The following HLCS variants were observed in gnomAD, a reference collection of about 807,000 sequenced individuals.
HLCS encodes the protein holocarboxylase synthetase.
In HLCS, 53 loss-of-function variants were observed where a neutral mutation model predicts 75.0. That is an observed-to-expected ratio of 0.71 (90% CI 0.57 to 0.89). HLCS has a LOEUF of 0.89. Among genes scored for constraint, HLCS ranks in the 40% least tolerant of loss-of-function variants. HLCS has a pLI of 0.00. For missense variants in HLCS, 966 were observed against 1,074.0 expected, an observed-to-expected ratio of 0.90 and a Z score of 1.41; for synonymous variants, 431 against 428.6, an observed-to-expected ratio of 1.01 and a Z score of -0.07.
chr21:36,818,765 C>G lies in HLCS; in HGVS notation c.1893-51480G>C, dbSNP rs541901220. Among the ~76,000 whole-genome samples, 34 of 152,262 alleles carry G rather than the reference C, an allele frequency of 2.2e-4. No homozygotes were observed. The South Asian group carries it at 6.8e-3, about 31-fold the overall frequency. On this transcript the variant is annotated intron_variant, in intron 6 of 10. Transcript: ENST00000674895. ...TTTCTCTCATTGTATTTTGCTTGTA[C>G]TCAATTAAGAGATAATTTAGCCATT...
rs2065035875 is a variant in HLCS at position 36,896,949 on chromosome 21, C to A, written c.1803G>T (p.Glu601Asp). 1 of 1,614,066 alleles carries A rather than the reference C, an allele frequency of 6.2e-7. No homozygotes were observed. The highest frequency in any genetic ancestry group is 8.5e-7 in the Non-Finnish European group (1 of 1,180,046). Reference protein sequence around the residue: ...EAFSSEHFNLEIYRQNLQTKQ... With the variant: ...EAFSSEHFNLDIYRQNLQTKQ... ...TGGTCTGCAGATTTTGGCGATAGAT[C>A]TCTAAGTTGAAATGTTCTGATGAGA... The change falls in exon 6 of 11, where the codon GAG (glutamate) becomes GAT (aspartate). Residue 601 changes from glutamate to aspartate, a missense_variant. Glu to Asp is a conservative substitution (Grantham distance 45). Coordinates refer to ENST00000674895, the MANE Select transcript of HLCS (RefSeq NM_001352514.2).
rs140820848 is a variant in HLCS, at chr21:36,949,454, G to T, written c.331-10460C>A. On this transcript the variant is annotated intron_variant, in intron 2 of 10. Transcript: ENST00000674895. ...GAGCTTCCTCACAGTATGGGAGCTG[G>T]ACTCCCAGATGGCATGTTCCAAAAG... is the stretch of plus-strand genomic sequence containing the variant. 2.7e-3 allele frequency among the ~76,000 whole-genome samples: 411 copies of T among 152,278 alleles called. 4 individuals are homozygous for T. The highest frequency in any genetic ancestry group is 6.8e-3 in the Middle Eastern group (2 of 294).
chr21:36,835,844 TG>T (rs1307146223), intron 6 of HLCS, among the ~76,000 whole-genome samples: 1 of 152,160 alleles, frequency 6.6e-6, no homozygotes, highest in Non-Finnish European at 1.5e-5. Context: ...CCTTCGGGCA[TG>T]TCAGAGGTGA....
chr21:36,866,971 G>T (rs975467372), intron 6 of HLCS, among the ~76,000 whole-genome samples: 2 of 151,512 alleles, frequency 1.3e-5, no homozygotes, highest in African/African-American at 4.9e-5. Context: ...ACCCTCCCTT[G>T]TTATCACAAG....
intron 5 of HLCS, among the ~76,000 whole-genome samples, chr21:36,928,902 C>T (rs988515583): frequency 3.3e-5 from 5 of 152,182 alleles, no homozygotes; most frequent in African/African-American, 7.2e-5. Context: ...GAAATCAATA[C>T]TCCCTCAATT....
At chr21:36,834,588 A>C (rs1255295557) in intron 6 of HLCS, among the ~76,000 whole-genome samples, 1 of 151,864 alleles carries the variant, frequency 6.6e-6, no homozygotes, top group Non-Finnish European at 1.5e-5. Context: ...ACGGAGTCTC[A>C]CTCTGTCGCC....
intron 6 of HLCS, among the ~76,000 whole-genome samples, chr21:36,852,504 C>A (rs1008432452): frequency 6.6e-6 from 1 of 152,212 alleles, no homozygotes; most frequent in Non-Finnish European, 1.5e-5. Flanking sequence ...ACCCCAGGTC[C>A]TGCTGCTTGG....
intron 2 of HLCS, among the ~76,000 whole-genome samples, chr21:36,942,256 G>GT (rs1432304576): frequency 2.0e-4 from 30 of 151,992 alleles, no homozygotes; most frequent in African/African-American, 7.0e-4. Context: ...ATAGAGAAGC[G>GT]TTAAAGACCT....
intron 6 of HLCS, among the ~76,000 whole-genome samples, chr21:36,783,822 T>TAC (rs34087473): frequency 6.0e-5 from 9 of 151,228 alleles, no homozygotes; most frequent in East Asian, 5.8e-4. Flanking sequence ...CACATGCACA[T>TAC]ACACACACAC....
At chr21:36,834,261 G>A (rs2062323801) in intron 6 of HLCS, among the ~76,000 whole-genome samples, 2 of 152,360 alleles carry the variant, frequency 1.3e-5, no homozygotes, top group South Asian at 4.1e-4. Context: ...CTGAGGTAAT[G>A]AGGTTCCAGA....
At chr21:36,916,337 T>A (rs1280010178) in intron 5 of HLCS, among the ~76,000 whole-genome samples, 2 of 152,014 alleles carry the variant, frequency 1.3e-5, no homozygotes, top group African/African-American at 2.4e-5. Flanking sequence ...GCTGTAAGAT[T>A]TTTTTATGTT....
chr21:36,984,650 G>A (rs2069192784), intron 1 of HLCS, among the ~76,000 whole-genome samples: 1 of 152,184 alleles, frequency 6.6e-6, no homozygotes, highest in Admixed American at 6.5e-5. Context: ...AGGCATTGGA[G>A]GCTCAGAAGG....
chr21:36,814,598 G>A lies in HLCS; in HGVS notation c.1893-47313C>T, dbSNP rs948231794. Among the ~76,000 whole-genome samples, 3 of 152,350 alleles carry A rather than the reference G, an allele frequency of 2.0e-5. No homozygotes were observed. In the East Asian group the frequency reaches 5.8e-4, roughly 29 times the overall value. On this transcript the variant is annotated intron_variant, in intron 6 of 10. Transcript: ENST00000674895. ...CCTCTTTCTGGTAGTCCAGGAAGTA[G>A]AGAAAAGGCAGCTCTAAGAAGGGGT...
At chr21:36,914,739 C>A (rs115370255) in intron 5 of HLCS, among the ~76,000 whole-genome samples, 227 of 152,284 alleles carry the variant, frequency 1.5e-3, no homozygotes, top group African/African-American at 5.3e-3. Flanking sequence ...ACGGCGAGGG[C>A]GGCTCTATGG....
intron 6 of HLCS, among the ~76,000 whole-genome samples, chr21:36,838,328 A>C (rs150404706): frequency 0.015 from 2,279 of 147,682 alleles, 22 homozygotes; most frequent in Middle Eastern, 0.042. Flanking sequence ...ACACACACAC[A>C]CCCCCACAAC....
intron 6 of HLCS, among the ~76,000 whole-genome samples, chr21:36,846,524 T>C (rs949340797): frequency 6.6e-6 from 1 of 152,208 alleles, no homozygotes; most frequent in African/African-American, 2.4e-5. Flanking sequence ...GTTGTTGATA[T>C]TGTTGTTGTT....
At chr21:36,787,273 G>A (rs977853418) in intron 6 of HLCS, among the ~76,000 whole-genome samples, 5 of 152,136 alleles carry the variant, frequency 3.3e-5, no homozygotes, top group Non-Finnish European at 7.3e-5. Flanking sequence ...GGCCACCGTG[G>A]GACGAGGCAC....
chr21:36,958,959 T>C (rs945087226), intron 2 of HLCS, among the ~76,000 whole-genome samples: 1 of 152,210 alleles, frequency 6.6e-6, no homozygotes, highest in Non-Finnish European at 1.5e-5. Flanking sequence ...CTGCAGCCAG[T>C]CTGGAGCAGG....
At chr21:36,815,951 A>G (rs1289129643) in intron 6 of HLCS, among the ~76,000 whole-genome samples, 1 of 152,204 alleles carries the variant, frequency 6.6e-6, no homozygotes, top group African/African-American at 2.4e-5. Context: ...CCACTACTCA[A>G]TTAATTGATT....
Sources: allele counts gnomAD v4.1 joint callset (sites outside exome capture counted in the v4.1 genomes callset), GRCh38; gene constraint gnomAD v4.1.1; transcripts MANE v1.5; gene names NCBI Gene and HGNC (gene_info 2026-07-23, HGNC 2026-07-21).